Variants in ZCCHC14 observed in about 807,000 individuals in gnomAD.
ZCCHC14 encodes the protein zinc finger CCHC-type containing 14.
ZCCHC14 carries 16 observed loss-of-function variants against 85.0 expected under a neutral mutation model. That is an observed-to-expected ratio of 0.19 (90% CI 0.13 to 0.29). ZCCHC14 has a LOEUF of 0.29. Among genes scored for constraint, ZCCHC14 ranks in the 10% least tolerant of loss-of-function variants. The pLI, the probability that ZCCHC14 is intolerant of heterozygous loss-of-function variation, is 1.00. For missense variants in ZCCHC14, 1,303 were observed against 1,443.5 expected (o/e 0.90, Z 1.58); for synonymous variants, 775 against 630.7 (o/e 1.23, Z -3.43).
intron 1 of ZCCHC14, among the ~76,000 whole-genome samples, chr16:87,482,328 G>C (rs1317986766): frequency 1.3e-5 from 2 of 152,186 alleles, no homozygotes; most frequent in South Asian, 4.1e-4. Context: ...GAAGAAAAAG[G>C]AGAGAAGTCT....
At chr16:87,421,687 C>T (rs1193872750) in intron 4 of ZCCHC14, among the ~76,000 whole-genome samples, 2 of 152,160 alleles carry the variant, frequency 1.3e-5, no homozygotes, top group Non-Finnish European at 2.9e-5. Context: ...GGGAGTGAAG[C>T]AAAACGGCGG....
intron 2 of ZCCHC14, among the ~76,000 whole-genome samples, chr16:87,444,304 G>A (rs1413747459): frequency 6.6e-6 from 1 of 152,160 alleles, no homozygotes; most frequent in Non-Finnish European, 1.5e-5. Context: ...AGAATGACAG[G>A]ACATATTAAA....
At position 87,410,754 on chromosome 16, in the gene ZCCHC14, A is replaced by G. The variant is rs563897970; in HGVS notation, c.3206-419T>C. Among the ~76,000 whole-genome samples, 5 of 152,254 alleles carry G rather than the reference A, an allele frequency of 3.3e-5. No homozygotes were observed. The South Asian group carries it at 1.0e-3, about 32-fold the overall frequency. On this transcript the variant is annotated intron_variant, in intron 12 of 12. Transcript: ENST00000671377. Reference sequence around the variant, plus strand: ...CGCATGGCAGAGCGCCTGTCAACCCACCTTGCCTGCAGGCCTGCTGAGTCA... The same window carrying G: ...CGCATGGCAGAGCGCCTGTCAACCCGCCTTGCCTGCAGGCCTGCTGAGTCA...
intron 1 of ZCCHC14, chr16:87,473,347 C>G (rs1264914372): frequency 3.3e-5 from 5 of 152,200 alleles, no homozygotes; most frequent in Non-Finnish European, 5.9e-5. Context: ...GGATAACAGG[C>G]AGGCGCCACC....
intron 2 of ZCCHC14, among the ~76,000 whole-genome samples, chr16:87,455,158 C>T (rs766653119): frequency 3.3e-5 from 5 of 152,172 alleles, no homozygotes; most frequent in Non-Finnish European, 5.9e-5. Context: ...CGTGGTGGCA[C>T]ATGCCTGTAA....
intron 1 of ZCCHC14, among the ~76,000 whole-genome samples, chr16:87,486,785 C>T (rs1161081448): frequency 6.6e-6 from 1 of 152,228 alleles, no homozygotes; most frequent in African/African-American, 2.4e-5. Context: ...ACTTAGTTCA[C>T]AGACAAGTTC....
At chr16:87,489,020 G>C (rs1053367900) in intron 1 of ZCCHC14, among the ~76,000 whole-genome samples, 2 of 152,154 alleles carry the variant, frequency 1.3e-5, no homozygotes, top group African/African-American at 2.4e-5. Context: ...AGCTTTAACG[G>C]GGCTGCTTTT....
chr16:87,441,941 C>T (rs187383445), intron 2 of ZCCHC14, among the ~76,000 whole-genome samples: 377 of 152,340 alleles, frequency 2.5e-3, no homozygotes, highest in Admixed American at 6.3e-3. Context: ...GGTGACACCT[C>T]CTCACTGCCT....
chr16:87,411,713 C>T lies in ZCCHC14; in HGVS notation c.3008G>A (p.Gly1003Glu). 1.9e-6 allele frequency: 3 copies of T among 1,614,090 alleles called. No homozygotes were observed. The highest frequency in any genetic ancestry group is 2.2e-5 in the East Asian group (1 of 44,882). The change falls in exon 12 of 13, where the codon GGG (glycine) becomes GAG (glutamate). Residue 1003 changes from glycine (G) to glutamate (E), a missense_variant. This residue lies in a region of ZCCHC14 where 797 missense variants were observed against 730.8 expected (regional missense o/e 1.09). Transcript: ENST00000671377. ...SSGTPDPVLS[G>E]QSTFAVPPMQ... ...GGGTGGCACGGCAAACGTGGACTGC[C>T]CACTCAGGACAGGGTCTGGGGTCCC...
chr16:87,457,413 A>G (rs1911027707), intron 2 of ZCCHC14, among the ~76,000 whole-genome samples: 1 of 152,196 alleles, frequency 6.6e-6, no homozygotes, highest in African/African-American at 2.4e-5. Context: ...TCTGTGACTC[A>G]GTTCTCCCAT....
intron 2 of ZCCHC14, among the ~76,000 whole-genome samples, chr16:87,438,687 G>A (rs1039061658): frequency 6.6e-6 from 1 of 152,210 alleles, no homozygotes; most frequent in Non-Finnish European, 1.5e-5. Context: ...GAAATAAAGG[G>A]CCCTGCTGGG....
rs1481593601 is a variant in ZCCHC14, at chr16:87,491,933, C to A, written c.306G>T (p.Ala102=). 6 of 1,463,126 alleles carry A rather than the reference C, an allele frequency of 4.1e-6. No homozygotes were observed. The highest frequency in any genetic ancestry group is 3.1e-5 in the Admixed American group (1 of 32,000). 90.6% of individuals were successfully genotyped at this position (1,463,126 alleles called of 1,614,324 possible). A position where few individuals can be genotyped will look rare whatever the true frequency, so the allele number is the denominator to read the frequency against. ...ALLGSEQREA[A]GVLYRTLTHI... is the part of the protein sequence containing the mutation. The stretch of plus-strand genomic sequence containing the variant: ...GCGTGAGCGTGCGGTAGAGCACGCC[C>A]GCCGCCTCGCGCTGCTCCGAGCCCA... The change falls in exon 1 of 13, where the codon GCG becomes GCT. Residue 102 remains alanine (A), a synonymous_variant. Transcript: ENST00000671377. The surrounding 1 kb of genome is among the most constrained non-coding windows in gnomAD (Gnocchi z 5.9).
chr16:87,463,452 T>G (rs552408495), intron 1 of ZCCHC14, among the ~76,000 whole-genome samples: 2 of 152,370 alleles, frequency 1.3e-5, no homozygotes, highest in East Asian at 3.9e-4. Flanking sequence ...CCACATTCTC[T>G]TAGCTACTTT....
intron 1 of ZCCHC14, among the ~76,000 whole-genome samples, chr16:87,484,436 G>A (rs1169284503): frequency 6.6e-6 from 1 of 152,236 alleles, no homozygotes; most frequent in Non-Finnish European, 1.5e-5. Context: ...CAGGTCACAG[G>A]ACGCTGAGGA....
intron 12 of ZCCHC14, among the ~76,000 whole-genome samples, chr16:87,411,024 C>CA (rs530327885): frequency 1.3e-5 from 2 of 152,064 alleles, no homozygotes; most frequent in Non-Finnish European, 2.9e-5. Context: ...CTAAAGGAGA[C>CA]AAAAAAATAG....
At chr16:87,435,216 T>G (rs1282089095) in intron 2 of ZCCHC14, among the ~76,000 whole-genome samples, 1 of 152,122 alleles carries the variant, frequency 6.6e-6, no homozygotes. Context: ...CTGGGGATGG[T>G]TCTAAGCCTG....
chr16:87,434,144 C>T (rs1322311140), intron 2 of ZCCHC14, among the ~76,000 whole-genome samples: 1 of 152,180 alleles, frequency 6.6e-6, no homozygotes, highest in East Asian at 1.9e-4. Flanking sequence ...CCTACTCATC[C>T]CGTTTTCCAC....
At position 87,412,812 on chromosome 16, in the gene ZCCHC14, C is replaced by A. The variant is rs746458521; in HGVS notation, c.1909G>T (p.Ala637Ser). 1.9e-6 allele frequency: 3 copies of A among 1,611,226 alleles called. No individual in the cohort carries two copies. The highest frequency in any genetic ancestry group is 2.5e-6 in the Non-Finnish European group (3 of 1,178,236). The change falls in exon 12 of 13, where the codon GCA (alanine) becomes TCA (serine). Residue 637 changes from alanine to serine, a missense_variant. Physicochemically the swap from Ala to Ser is moderately conservative, Grantham distance 99. Coordinates refer to ENST00000671377, the MANE Select transcript of ZCCHC14 (RefSeq NM_015144.3). The stretch of plus-strand genomic sequence containing the variant: ...CGGATGGGTGTGATGTGTGAGGCTG[C>A]GCTCAGCATCTGCGGGGGCAGGGGG... ...HHPLPPQMLS[A>S]ASHITPIRML...
In ZCCHC14 at chr16:87,491,897, G is replaced by A; in HGVS notation, c.342C>T (p.Ser114=). 3 of 1,533,104 alleles carry A rather than the reference G, an allele frequency of 2.0e-6. No individual in the cohort carries two copies. Among genetic ancestry groups the A allele is most frequent in the South Asian group, 1.2e-5 (1 of 81,448 alleles). The allele number at this position is 1,533,104 out of a possible 1,614,324, so 95.0% of individuals were successfully genotyped here. ...GCTGCAGCCCGTAGTTGTGGATGAT[G>A]GAGTCGATGTGCGTGAGCGTGCGGT... is the stretch of plus-strand genomic sequence containing the variant. ...VLYRTLTHID[S]IIHNYGLQLN... Residue 114 remains serine, a synonymous_variant, in exon 1 of 13, where the codon TCC becomes TCT. Transcript: ENST00000671377. This position sits in a 1 kb window ranked among gnomAD's most constrained non-coding sequence, Gnocchi z 5.9.
Sources: gnomAD v4.1 joint callset for allele counts (sites outside exome capture counted in the v4.1 genomes callset) on GRCh38, gnomAD v4.1.1 for gene constraint, gnomAD v4.1.1 regional missense constraint, Gnocchi (gnomAD v3.1) non-coding constraint, MANE v1.5 for transcripts, NCBI Gene and HGNC (gene_info 2026-07-23, HGNC 2026-07-21) for gene names.